Variants in ARHGAP20 observed in about 807,000 individuals in gnomAD.
The protein encoded by ARHGAP20 is rho GTPase-activating protein 20.
In ARHGAP20, 34 loss-of-function variants were observed where a neutral mutation model predicts 73.7. The observed-to-expected ratio is 0.46, with a 90% confidence interval of 0.35 to 0.61. ARHGAP20 has a LOEUF of 0.61. ARHGAP20 is among the 20% of genes least tolerant of loss of function. The pLI, the probability that ARHGAP20 is intolerant of heterozygous loss-of-function variation, is 0.00. For synonymous variants in ARHGAP20, 523 were observed against 518.2 expected, an observed-to-expected ratio of 1.01 and a Z score of -0.13; for missense variants, 1,314 against 1,420.9, an observed-to-expected ratio of 0.92 and a Z score of 1.21.
At chr11:110,614,175 TTAA>T (rs113786081) in intron 6 of ARHGAP20, among the ~76,000 whole-genome samples, 5,949 of 152,148 alleles carry the variant, frequency 0.039, 360 homozygotes, top group African/African-American at 0.13. Context: ...AAAAAATTGC[TTAA>T]TAATAATAGG....
chr11:110,577,144 C>T lies in ARHGAP20; in HGVS notation c.*2226G>A. 1 of 1,534,508 alleles carries T rather than the reference C, an allele frequency of 6.5e-7. No individual in the cohort carries two copies. Among genetic ancestry groups the T allele is most frequent in the African/African-American group, 1.4e-5 (1 of 73,108 alleles). On this transcript the variant is annotated 3_prime_UTR_variant, in exon 15 of 15. Coordinates refer to ENST00000683387, the MANE Select transcript of ARHGAP20 (RefSeq NM_001384657.1). ...AAAACCAAACAACTTTAAAAGTTAG[C>T]AGCAGTTTCTGCAAGTACAAAAATA... is the stretch of plus-strand genomic sequence containing the variant.
intron 2 of ARHGAP20, among the ~76,000 whole-genome samples, chr11:110,636,867 C>G (rs994791603): frequency 6.6e-6 from 1 of 151,370 alleles, no homozygotes; most frequent in African/African-American, 2.4e-5. Context: ...TTATTTTACT[C>G]TTTTAGAGTA....
At chr11:110,710,301 G>T (rs1024589242) in intron 1 of ARHGAP20, among the ~76,000 whole-genome samples, 1 of 152,096 alleles carries the variant, frequency 6.6e-6, no homozygotes, top group African/African-American at 2.4e-5. Context: ...TCTTAAGGAC[G>T]GTGGCTATGA....
intron 1 of ARHGAP20, among the ~76,000 whole-genome samples, chr11:110,696,311 A>AT (rs1950334736): frequency 6.6e-6 from 1 of 151,774 alleles, no homozygotes; most frequent in African/African-American, 2.4e-5. Context: ...GGTGAATTGT[A>AT]TGGTATGCAA....
chr11:110,664,727 C>CAAAA (rs34643863), intron 2 of ARHGAP20, among the ~76,000 whole-genome samples: 3 of 88,330 alleles, frequency 3.4e-5, no homozygotes, highest in East Asian at 3.3e-4. Context: ...GACTCCGTCT[C>CAAAA]AAAAAAAAAA....
chr11:110,599,386 C>A (rs7111728), intron 9 of ARHGAP20, among the ~76,000 whole-genome samples: 16,264 of 152,186 alleles, frequency 0.11, 1,066 homozygotes, highest in African/African-American at 0.18. Context: ...CCCCCTGGTG[C>A]CTTGGACTGC....
At chr11:110,585,111 GA>G (rs1364522808) in intron 12 of ARHGAP20, among the ~76,000 whole-genome samples, 1 of 150,018 alleles carries the variant, frequency 6.7e-6, no homozygotes, top group Non-Finnish European at 1.5e-5. Flanking sequence ...GAATATATGT[GA>G]ATATATATGA....
intron 3 of ARHGAP20, among the ~76,000 whole-genome samples, chr11:110,625,028 T>TTA (rs758965280): frequency 0.21 from 23,380 of 113,908 alleles, 2,331 homozygotes; most frequent in East Asian, 0.32. Context: ...TTATTTTTAT[T>TTA]TTTATTTTTT....
chr11:110,627,290 G>A (rs1282630861), intron 3 of ARHGAP20, among the ~76,000 whole-genome samples: 2 of 151,928 alleles, frequency 1.3e-5, no homozygotes, highest in Non-Finnish European at 2.9e-5. Flanking sequence ...TGGGGGTTTT[G>A]CCATGTTGGC....
chr11:110,615,483 T>A, intron 5 of ARHGAP20, 70 bp downstream of exon 5: 1 of 1,426,272 alleles, frequency 7.0e-7, no homozygotes, highest in Non-Finnish European at 9.7e-7. Context: ...TTGGGGCACA[T>A]CTCTGCAGAA....
Position 110,577,761 on chromosome 11 carries a change from A to C in ARHGAP20, c.*1609T>G. ...AAAAGATCATTGTAATGGTTAGCGC[A>C]AACAGGGCCATGTCCCCAAGAGGTA... On this transcript the variant is annotated 3_prime_UTR_variant, in exon 15 of 15. Coordinates refer to ENST00000683387, the MANE Select transcript of ARHGAP20 (RefSeq NM_001384657.1). The C allele has an allele frequency of 6.1e-6, 6 of 985,904 alleles. No individual in the cohort carries two copies. The highest frequency in any genetic ancestry group is 7.2e-6 in the Non-Finnish European group (6 of 829,942). The allele number at this position is 985,904 out of a possible 1,614,324, so 61.1% of individuals were successfully genotyped here. A position where few individuals can be genotyped will look rare whatever the true frequency, so the allele number is the denominator to read the frequency against.
At chr11:110,581,299 T>TAG in intron 14 of ARHGAP20, 74 bp from the exon 15 acceptor site, 1 of 1,415,008 alleles carries the variant, frequency 7.1e-7, no homozygotes, top group Admixed American at 2.5e-5. Flanking sequence ...AAGAACAAAT[T>TAG]CTCTTTTCAT....
In ARHGAP20 at chr11:110,577,310, A is replaced by T. The variant is rs1947310725; in HGVS notation, c.*2060T>A. The T allele has an allele frequency of 1.5e-6, 2 of 1,299,544 alleles. No homozygotes were observed. Among genetic ancestry groups the T allele is most frequent in the Non-Finnish European group, 2.0e-6 (2 of 1,022,006 alleles). 80.5% of individuals were successfully genotyped at this position (1,299,544 alleles called of 1,614,324 possible). On this transcript the variant is annotated 3_prime_UTR_variant, in exon 15 of 15. Coordinates refer to ENST00000683387, the MANE Select transcript of ARHGAP20 (RefSeq NM_001384657.1). ...ATGACATATAGTCTGTCTTCAAATCATACAATATAATACTTTACAGCAATA... is the reference window on the plus strand; with the variant it reads ...ATGACATATAGTCTGTCTTCAAATCTTACAATATAATACTTTACAGCAATA...
At chr11:110,585,954 T>C (rs1947653691) in intron 12 of ARHGAP20, among the ~76,000 whole-genome samples, 1 of 152,166 alleles carries the variant, frequency 6.6e-6, no homozygotes, top group Non-Finnish European at 1.5e-5. Flanking sequence ...GATCATAAAC[T>C]GAAGATTGGG....
intron 2 of ARHGAP20, among the ~76,000 whole-genome samples, chr11:110,647,226 T>C (rs1949215540): frequency 6.6e-6 from 1 of 152,054 alleles, no homozygotes; most frequent in Non-Finnish European, 1.5e-5. Flanking sequence ...ATAAGAAATT[T>C]GGTTTGAAAC....
intron 9 of ARHGAP20, among the ~76,000 whole-genome samples, chr11:110,602,193 G>A (rs1412942748): frequency 1.3e-5 from 2 of 151,350 alleles, no homozygotes; most frequent in Non-Finnish European, 2.9e-5. Flanking sequence ...ACTGTTTCAA[G>A]TGCCACATCT....
rs545402421 is a variant in ARHGAP20 at position 110,605,870 on chromosome 11, T to C, written c.964+691A>G. On this transcript the variant is annotated intron_variant, in intron 9 of 14. Transcript: ENST00000683387. ...TGGTTCACATTGACAAAGGTAGCTATAGAAATTCACAATCAATTTTCTACT... is the reference window on the plus strand; with the variant it reads ...TGGTTCACATTGACAAAGGTAGCTACAGAAATTCACAATCAATTTTCTACT... Among the ~76,000 whole-genome samples the C allele has an allele frequency of 9.8e-5, 15 of 152,356 alleles. 1 individual carries two copies. In the South Asian group the frequency reaches 2.9e-3, roughly 29 times the overall value.
At chr11:110,648,334 A>G (rs145124369) in intron 2 of ARHGAP20, among the ~76,000 whole-genome samples, 172 of 94,030 alleles carry the variant, frequency 1.8e-3, no homozygotes, top group African/African-American at 0.011. Context: ...GCATATGTGT[A>G]TATGTGTGTG....
intron 2 of ARHGAP20, among the ~76,000 whole-genome samples, chr11:110,656,063 G>A (rs539634418): frequency 2.6e-5 from 4 of 152,158 alleles, no homozygotes; most frequent in Non-Finnish European, 5.9e-5. Flanking sequence ...AGGGGCCTTA[G>A]TGTGTTGTCT....
Sources: allele counts gnomAD v4.1 joint callset (sites outside exome capture counted in the v4.1 genomes callset), GRCh38; gene constraint gnomAD v4.1.1; transcripts MANE v1.5; gene names NCBI Gene and HGNC (gene_info 2026-07-23, HGNC 2026-07-21).